GLMN: variants seen among roughly 807,000 people sequenced by gnomAD.
The protein encoded by GLMN is glomulin.
Under a neutral mutation model 87.8 loss-of-function variants are expected in GLMN, and 75 were observed. The ratio of observed to expected loss-of-function variants is 0.85; its 90% confidence interval spans 0.71 to 1.04. The LOEUF (loss-of-function observed/expected upper bound fraction) is 1.04. Ranked by LOEUF, GLMN falls within the 50% of genes least tolerant of loss-of-function variation. The pLI is 0.00. For missense variants in GLMN, 588 were observed against 658.8 expected, an observed-to-expected ratio of 0.89 and a Z score of 1.18; for synonymous variants, 206 against 221.6, an observed-to-expected ratio of 0.93 and a Z score of 0.63.
At chr1:92,334,849 G>A in the GLMN span, among the ~76,000 whole-genome samples, 4 of 152,210 alleles carry the variant, frequency 2.6e-5, no homozygotes, top group South Asian at 2.1e-4. Flanking sequence ...TTAGCCGGGC[G>A]TGGTGGCGGA....
At chr1:92,310,726 A>G in the GLMN span, among the ~76,000 whole-genome samples, 43 of 152,218 alleles carry the variant, frequency 2.8e-4, 1 homozygote, top group South Asian at 8.7e-3. Flanking sequence ...ACAAAACCCT[A>G]TCTCTACTAA....
chr1:92,308,859 C>G, the GLMN span, among the ~76,000 whole-genome samples: 1 of 152,100 alleles, frequency 6.6e-6, no homozygotes, highest in Non-Finnish European at 1.5e-5. Context: ...ACTCAGGAGG[C>G]TGAGGCAGGA....
rs1195386829 is a variant in GLMN at position 92,247,131 on chromosome 1, A to G, written c.1599T>C (p.Ser533=). The G allele has an allele frequency of 1.9e-6, 3 of 1,544,432 alleles. No individual in the cohort carries two copies. Among genetic ancestry groups the G allele is most frequent in the African/African-American group, 2.7e-5 (2 of 73,570 alleles). ...TTACAGTTATAGAACAAAGATCTTT[A>G]GATTTCTGGGCCTCTGTAAGAGAAG... is the stretch of plus-strand genomic sequence containing the variant. ...EIKNSQEAQK[S]KDLCSITVSG... The change falls in exon 18 of 19, where the codon TCT becomes TCC. Residue 533 remains serine, a synonymous_variant. Transcript: ENST00000370360.
At chr1:92,335,524 T>C in the GLMN span, among the ~76,000 whole-genome samples, 5 of 152,300 alleles carry the variant, frequency 3.3e-5, no homozygotes, top group South Asian at 1.0e-3. Context: ...ATCCCTGACA[T>C]ATATATGGCA....
chr1:92,275,183 C>T (rs574894646), intron 7 of GLMN, among the ~76,000 whole-genome samples: 1 of 152,216 alleles, frequency 6.6e-6, no homozygotes, highest in South Asian at 2.1e-4. Flanking sequence ...TATTCCAAAC[C>T]TTTACCAGTT....
At chr1:92,291,360 G>A in intron 4 of GLMN, 58 bp downstream of exon 4, 3 of 1,400,070 alleles carry the variant, frequency 2.1e-6, no homozygotes, top group South Asian at 2.3e-5. Flanking sequence ...AACATTAAAG[G>A]GAATTATAAA....
At position 92,246,455 on chromosome 1, in the gene GLMN, T is replaced by A. The variant is rs1183299011; in HGVS notation, c.*75A>T. On this transcript the variant is annotated 3_prime_UTR_variant, in exon 19 of 19. Transcript: ENST00000370360. ...AAGCAGTAAATTTTTACAGAAAAAT[T>A]TTTTATAAAGGTATTAAATGAATCA... The A allele has an allele frequency of 1.4e-6, 1 of 720,170 alleles. No individual in the cohort carries two copies. The highest frequency in any genetic ancestry group is 2.4e-6 in the Non-Finnish European group (1 of 410,350). 44.6% of individuals were successfully genotyped at this position (720,170 alleles called of 1,614,324 possible). A position where few individuals can be genotyped will look rare whatever the true frequency, so the allele number is the denominator to read the frequency against.
the GLMN span, chr1:92,333,351 C>T: frequency 2.0e-6 from 3 of 1,480,652 alleles, no homozygotes; most frequent in African/African-American, 4.2e-5. Context: ...AGAATGTAAA[C>T]TTATGATTCT....
At chr1:92,357,514 G>T in the GLMN span, among the ~76,000 whole-genome samples, 28 of 152,142 alleles carry the variant, frequency 1.8e-4, no homozygotes, top group Admixed American at 6.6e-5. Flanking sequence ...AGAAGGAAAG[G>T]TTGGGTCTGT....
At position 92,258,689 on chromosome 1, in the gene GLMN, T is replaced by C. The variant is rs535153830; in HGVS notation, c.1473+4174A>G. Among the ~76,000 whole-genome samples the C allele has an allele frequency of 3.3e-5, 5 of 152,190 alleles. No homozygotes were observed. The South Asian group carries it at 1.0e-3, about 32-fold the overall frequency. ...AACACCACATGTTCTCACTCATAAGTAGGAGTTGAACAATTTGAACACATG... is the reference window on the plus strand; with the variant it reads ...AACACCACATGTTCTCACTCATAAGCAGGAGTTGAACAATTTGAACACATG... On this transcript the variant is annotated intron_variant, in intron 16 of 18. Transcript: ENST00000370360.
rs1223306767 is a variant in GLMN, at chr1:92,262,918, G to A, written c.1418C>T (p.Ala473Val). The A allele has an allele frequency of 9.1e-7, 1 of 1,102,440 alleles. No individual in the cohort carries two copies. Among genetic ancestry groups the A allele is most frequent in the African/African-American group, 1.5e-5 (1 of 65,886 alleles). The allele number at this position is 1,102,440 out of a possible 1,614,324, so 68.3% of individuals were successfully genotyped here. Residue 473 changes from alanine (A) to valine (V), a missense_variant, in exon 16 of 19, where the codon GCT becomes GTT. Coordinates refer to ENST00000370360, the MANE Select transcript of GLMN (RefSeq NM_053274.3). ...DLLQNSDRIM[A>V]SLNLLRYLVI... ...CAAATACCTCAATAAATTTAATGAA[G>A]CCATAATCCTGTTAATTAAAAATAT...
At position 92,262,929 on chromosome 1, in the gene GLMN, G is replaced by A. The variant is rs1655209144; in HGVS notation, c.1410-3C>T. ...ATAAATTTAATGAAGCCATAATCCT[G>A]TTAATTAAAAATATATGTTACTTAC... On this transcript the variant is annotated splice_polypyrimidine_tract_variant and splice_region_variant and intron_variant, in intron 15 of 18. Transcript: ENST00000370360. The A allele has an allele frequency of 4.8e-6, 5 of 1,043,324 alleles. No individual in the cohort carries two copies. In the East Asian group the frequency reaches 9.7e-5, roughly 20 times the overall value. The allele number at this position is 1,043,324 out of a possible 1,614,324, so 64.6% of individuals were successfully genotyped here. A position where few individuals can be genotyped will look rare whatever the true frequency, so the allele number is the denominator to read the frequency against.
chr1:92,257,101 T>A (rs1410758921), intron 16 of GLMN, among the ~76,000 whole-genome samples: 1 of 152,100 alleles, frequency 6.6e-6, no homozygotes, highest in Non-Finnish European at 1.5e-5. Context: ...AGCATTCCTA[T>A]ACACCAATAA....
At chr1:92,346,275 C>T in the GLMN span, among the ~76,000 whole-genome samples, 1 of 151,870 alleles carries the variant, frequency 6.6e-6, no homozygotes, top group Admixed American at 6.6e-5. Flanking sequence ...GCAATTCTCC[C>T]ACCTCAGCCT....
rs1373932343 is a variant in GLMN, at chr1:92,271,582, CA to C, written c.805del (p.Trp269GlyfsTer14). ...TTCTTCTTCAAATTCAAGGTAATTCCAAGTTCTCTTTTTCCTTCCATGATTA... is the reference window on the plus strand; with the variant it reads ...TTCTTCTTCAAATTCAAGGTAATTCCAGTTCTCTTTTTCCTTCCATGATTA... ...IFNHGRKKRTWNYLEFEEEEN... is the reference protein window; with the variant it reads ...IFNHGRKKRTXNYLEFEEEEN... On this transcript the variant is annotated frameshift_variant, in exon 8 of 19. Transcript: ENST00000370360. LOFTEE classifies it high-confidence loss of function. 21 of 1,611,472 alleles carry C rather than the reference CA, an allele frequency of 1.3e-5. No individual in the cohort carries two copies. The highest frequency in any genetic ancestry group is 1.7e-5 in the Non-Finnish European group (20 of 1,178,166).
Position 92,286,470 on chromosome 1 carries a change from ATTAAATTAGC to A in GLMN, c.735+10_735+19del. The A allele has an allele frequency of 9.0e-7, 1 of 1,112,886 alleles. No homozygotes were observed. Among genetic ancestry groups the A allele is most frequent in the Non-Finnish European group, 1.4e-6 (1 of 723,074 alleles). The allele number at this position is 1,112,886 out of a possible 1,614,324, so 68.9% of individuals were successfully genotyped here. ...GGGATAACATTTAAGATTATAGCAG[ATTAAATTAGC>A]TGTACTTACTATTATTTCTGATGCA... On this transcript the variant is annotated intron_variant, in intron 7 of 18. Transcript: ENST00000370360.
At chr1:92,262,324 TC>T (rs1379213148) in intron 16 of GLMN, among the ~76,000 whole-genome samples, 4 of 152,140 alleles carry the variant, frequency 2.6e-5, no homozygotes, top group African/African-American at 9.7e-5. Context: ...GTATGACAAA[TC>T]TCCCTCAAAT....
the GLMN span, among the ~76,000 whole-genome samples, chr1:92,349,829 G>C: frequency 6.6e-6 from 1 of 152,156 alleles, no homozygotes; most frequent in Non-Finnish European, 1.5e-5. Context: ...TAGGGAAGCT[G>C]TGGTGGGAGG....
chr1:92,286,358 T>C, intron 7 of GLMN, 132 bp downstream of exon 7: 1 of 463,680 alleles, frequency 2.2e-6, no homozygotes, highest in Non-Finnish European at 3.8e-6. Context: ...TTATTTTCCA[T>C]CTTTTGTTTA....
Sources: gnomAD v4.1 joint callset for allele counts (sites outside exome capture counted in the v4.1 genomes callset) on GRCh38, gnomAD v4.1.1 for gene constraint, MANE v1.5 for transcripts, NCBI Gene and HGNC (gene_info 2026-07-23, HGNC 2026-07-21) for gene names.